Variants in MYPN observed in about 807,000 individuals in gnomAD.
The protein encoded by MYPN is myopalladin.
Under a neutral mutation model 129.4 loss-of-function variants are expected in MYPN, and 63 were observed. The observed-to-expected ratio is 0.49, with a 90% CI of 0.40 to 0.60. The LOEUF (loss-of-function observed/expected upper bound fraction) is 0.60. Among genes scored for constraint, MYPN ranks in the 20% least tolerant of loss-of-function variants. MYPN has a pLI of 0.00. For missense variants in MYPN, 1,596 were observed against 1,635.4 expected (o/e 0.98, Z 0.42); for synonymous variants, 629 against 600.9 (o/e 1.05, Z -0.68).
At position 68,210,627 on chromosome 10, in the gene MYPN, G is replaced by T. The variant is rs774182728; in HGVS notation, c.*172G>T. On this transcript the variant is annotated 3_prime_UTR_variant, in exon 20 of 20. Transcript: ENST00000358913. The stretch of plus-strand genomic sequence containing the variant: ...AGGGATTCTTGCAGTCTCAGCTGAG[G>T]GAGAAAGGTAGGGCTGTGCCTTCTA... 1.3e-6 allele frequency: 1 copy of T among 759,456 alleles called. No individual in the cohort carries two copies. 47.0% of individuals were successfully genotyped at this position (759,456 alleles called of 1,614,324 possible).
chr10:68,094,564 G>A (rs2041947160), intron 1 of MYPN, among the ~76,000 whole-genome samples: 1 of 152,006 alleles, frequency 6.6e-6, no homozygotes, highest in Non-Finnish European at 1.5e-5. Context: ...CTCTAGCCTT[G>A]GTCTCAGCCT....
At chr10:68,103,814 G>A (rs950171647), upstream of MYPN, among the ~76,000 whole-genome samples, 4 of 152,198 alleles carry the variant, frequency 2.6e-5, no homozygotes, top group Non-Finnish European at 5.9e-5. Context: ...GCCAGCCGTG[G>A]TGGCAGGCGC....
intron 12 of MYPN, among the ~76,000 whole-genome samples, chr10:68,187,499 A>G (rs1017499331): frequency 3.9e-5 from 6 of 152,218 alleles, no homozygotes; most frequent in African/African-American, 1.4e-4. Flanking sequence ...ACATTGGTTT[A>G]ATCACTCAAC....
chr10:68,177,187 G>A (rs751155060), intron 12 of MYPN, among the ~76,000 whole-genome samples: 1 of 152,166 alleles, frequency 6.6e-6, no homozygotes, highest in African/African-American at 2.4e-5. Context: ...ACATGTAAAC[G>A]TGAAATTCCA....
intron 12 of MYPN, among the ~76,000 whole-genome samples, chr10:68,187,306 CA>C (rs55727861): frequency 0.15 from 20,876 of 135,446 alleles, 1,668 homozygotes; most frequent in Middle Eastern, 0.27. Flanking sequence ...GACTCCATCT[CA>C]AAAAAAAAAA....
At chr10:68,202,293 C>T (rs1000638796) in intron 18 of MYPN, among the ~76,000 whole-genome samples, 1 of 151,992 alleles carries the variant, frequency 6.6e-6, no homozygotes, top group Non-Finnish European at 1.5e-5. Flanking sequence ...ATTAGCCAGG[C>T]GTGGTAGCAG....
At chr10:68,119,778 G>T (rs1362697770) in intron 1 of MYPN, among the ~76,000 whole-genome samples, 2 of 152,186 alleles carry the variant, frequency 1.3e-5, no homozygotes. Context: ...AGTAGCTCTA[G>T]TACGGGCAAT....
Position 68,116,960 on chromosome 10 carries a change from C to T in MYPN, c.-1-4478C>T, listed in dbSNP as rs564964220. 4.3e-4 allele frequency among the ~76,000 whole-genome samples: 65 copies of T among 152,160 alleles called. No homozygotes were observed. In the South Asian group the frequency reaches 0.013, roughly 31 times the overall value. ...ATAGGCCGGACATGGTGGCTCATAC[C>T]TGTAATCCCAACACTTTGGGAGGCC... On this transcript the variant is annotated intron_variant, in intron 1 of 19. Transcript: ENST00000358913.
intron 15 of MYPN, among the ~76,000 whole-genome samples, chr10:68,197,099 G>A (rs2043620099): frequency 6.6e-6 from 1 of 152,100 alleles, no homozygotes; most frequent in African/African-American, 2.4e-5. Flanking sequence ...AATCCAGAAT[G>A]ACAGAAAGAA....
upstream of MYPN, among the ~76,000 whole-genome samples, chr10:68,105,391 A>T (rs1366746280): frequency 6.6e-6 from 1 of 152,196 alleles, no homozygotes; most frequent in Non-Finnish European, 1.5e-5. Context: ...TACTACCAAG[A>T]CTATAGTATA....
chr10:68,122,394 C>A, intron 2 of MYPN, 54 bp downstream of exon 2: 1 of 1,571,440 alleles, frequency 6.4e-7, no homozygotes, highest in Non-Finnish European at 8.7e-7. Context: ...TCTACCATGA[C>A]CCTCCCAAGT....
intron 18 of MYPN, among the ~76,000 whole-genome samples, chr10:68,206,448 A>G (rs1459631065): frequency 6.6e-6 from 1 of 152,162 alleles, no homozygotes; most frequent in African/African-American, 2.4e-5. Context: ...ATCCTAACAA[A>G]GTTATCGATG....
At chr10:68,161,451 G>A (rs1008219796) in intron 7 of MYPN, among the ~76,000 whole-genome samples, 2 of 151,396 alleles carry the variant, frequency 1.3e-5, no homozygotes, top group Non-Finnish European at 2.9e-5. Flanking sequence ...GGAGGCAGAG[G>A]TTGCAGTGAG....
At chr10:68,189,376 GT>G (rs1280646228) in intron 13 of MYPN, among the ~76,000 whole-genome samples, 2 of 152,122 alleles carry the variant, frequency 1.3e-5, no homozygotes, top group African/African-American at 4.8e-5. Context: ...GAACATTACA[GT>G]TTTTCTCTTC....
At chr10:68,162,551 C>T (rs185035519) in intron 8 of MYPN, among the ~76,000 whole-genome samples, 1 of 152,246 alleles carries the variant, frequency 6.6e-6, no homozygotes, top group Non-Finnish European at 1.5e-5. Flanking sequence ...ATACAAGTCA[C>T]TCACAAAACA....
chr10:68,100,045 A>T (rs901609834), intron 1 of MYPN, among the ~76,000 whole-genome samples: 1 of 152,304 alleles, frequency 6.6e-6, no homozygotes, highest in South Asian at 2.1e-4. Flanking sequence ...TAAAAAGAGG[A>T]TAATGATATA....
intron 5 of MYPN, among the ~76,000 whole-genome samples, chr10:68,149,030 C>T (rs989972610): frequency 5.9e-5 from 9 of 151,848 alleles, no homozygotes; most frequent in Admixed American, 3.3e-4. Flanking sequence ...GTTTGAGACC[C>T]GTCTGGGCAA....
In MYPN at chr10:68,206,777, C is replaced by A; in HGVS notation, c.3667C>A (p.Gln1223Lys). ...TTCTCTCTTTTTCTCCAGTATGCAC[C>A]AGGACACAACAGGGTATGCCTGCCT... The part of the protein sequence containing the change: ...PCTRERISMH[Q>K]DTTGYACLLI... Residue 1223 changes from glutamine to lysine, a missense_variant, in exon 19 of 20, where the codon CAG (glutamine) becomes AAG (lysine). By Grantham distance (53) the Gln-to-Lys change is moderately conservative. Transcript: ENST00000358913. The A allele has an allele frequency of 6.2e-7, 1 of 1,614,110 alleles. No individual in the cohort carries two copies. Among genetic ancestry groups the A allele is most frequent in the Non-Finnish European group, 8.5e-7 (1 of 1,180,016 alleles).
chr10:68,092,598 G>T (rs1053903465), intron 1 of MYPN, among the ~76,000 whole-genome samples: 1 of 152,052 alleles, frequency 6.6e-6, no homozygotes, highest in African/African-American at 2.4e-5. Context: ...TTGTTCTTAA[G>T]GATCGTCAAA....
Sources: gnomAD v4.1 joint callset for allele counts (sites outside exome capture counted in the v4.1 genomes callset) on GRCh38, gnomAD v4.1.1 for gene constraint, MANE v1.5 for transcripts, NCBI Gene and HGNC (gene_info 2026-07-23, HGNC 2026-07-21) for gene names.